TRPC6: variants seen among roughly 807,000 people sequenced by gnomAD.
TRPC6 encodes the protein short transient receptor potential channel 6.
TRPC6 carries 55 observed loss-of-function variants against 90.7 expected under a neutral mutation model. That is an observed-to-expected ratio of 0.61 (90% confidence interval 0.49 to 0.76). The LOEUF (loss-of-function observed/expected upper bound fraction) is 0.76, where lower values mean the gene tolerates loss of function less well. TRPC6 is among the 30% of genes least tolerant of loss of function. The probability of loss-of-function intolerance (pLI) is 0.00; values close to 1 mark genes in which losing one functional copy is unlikely to be tolerated. For synonymous variants in TRPC6, 393 were observed against 393.0 expected (o/e 1.00, Z 0.00); for missense variants, 989 against 1,122.7 (o/e 0.88, Z 1.70).
chr11:101,529,818 G>T (rs1860866552), intron 1 of TRPC6, among the ~76,000 whole-genome samples: 1 of 152,180 alleles, frequency 6.6e-6, no homozygotes, highest in Admixed American at 6.5e-5. Context: ...CTAGGGAGCA[G>T]ATGTTAAAAT....
At chr11:101,480,927 G>T (rs1490113213) in intron 5 of TRPC6, among the ~76,000 whole-genome samples, 1 of 152,076 alleles carries the variant, frequency 6.6e-6, no homozygotes, top group Non-Finnish European at 1.5e-5. Flanking sequence ...AAAAGAAATA[G>T]AATAAAATCA....
chr11:101,560,889 G>C (rs1437987260), intron 1 of TRPC6, among the ~76,000 whole-genome samples: 5 of 152,130 alleles, frequency 3.3e-5, no homozygotes, highest in Admixed American at 2.6e-4. Context: ...GTTAATGTTG[G>C]TGAGGGAAGG....
intron 1 of TRPC6, among the ~76,000 whole-genome samples, chr11:101,581,471 C>A (rs568515337): frequency 6.6e-6 from 1 of 152,014 alleles, no homozygotes; most frequent in Admixed American, 6.6e-5. Flanking sequence ...ACAGACACAG[C>A]GACAAGTGAT....
intron 3 of TRPC6, among the ~76,000 whole-genome samples, chr11:101,491,159 A>G (rs1168298073): frequency 6.6e-6 from 1 of 152,156 alleles, no homozygotes; most frequent in African/African-American, 2.4e-5. Flanking sequence ...TTAATTAGAA[A>G]ATCCTAACCG....
At chr11:101,458,669 C>T (rs908021749) in intron 10 of TRPC6, among the ~76,000 whole-genome samples, 3 of 152,076 alleles carry the variant, frequency 2.0e-5, no homozygotes, top group Non-Finnish European at 4.4e-5. Context: ...TAGCAACCAC[C>T]AGTCAGTGAC....
At chr11:101,468,575 G>A (rs1043371341) in intron 10 of TRPC6, among the ~76,000 whole-genome samples, 20 of 152,200 alleles carry the variant, frequency 1.3e-4, no homozygotes, top group African/African-American at 4.6e-4. Context: ...TAGCATCCCC[G>A]ACTTTTCCTT....
intron 5 of TRPC6, among the ~76,000 whole-genome samples, chr11:101,480,334 T>C (rs1055533897): frequency 6.6e-6 from 1 of 152,056 alleles, no homozygotes; most frequent in Non-Finnish European, 1.5e-5. Flanking sequence ...GTTCCAGGCG[T>C]GATATTCCTT....
At chr11:101,479,921 G>C (rs1400798372) in intron 5 of TRPC6, among the ~76,000 whole-genome samples, 1 of 152,204 alleles carries the variant, frequency 6.6e-6, no homozygotes, top group Non-Finnish European at 1.5e-5. Context: ...GCTCACGCCT[G>C]TAATCCCAGC....
intron 1 of TRPC6, among the ~76,000 whole-genome samples, chr11:101,517,439 T>C (rs1450693203): frequency 6.6e-6 from 1 of 152,256 alleles, no homozygotes; most frequent in Non-Finnish European, 1.5e-5. Context: ...ATTCCTATGC[T>C]AGTAAATTTA....
chr11:101,475,139 C>G (rs1174528443), intron 6 of TRPC6, among the ~76,000 whole-genome samples: 1 of 152,164 alleles, frequency 6.6e-6, no homozygotes, highest in East Asian at 1.9e-4. Context: ...AGGTGATGAT[C>G]TGGCCTCCAT....
chr11:101,487,070 A>G (rs1859693743), intron 4 of TRPC6, among the ~76,000 whole-genome samples: 1 of 152,190 alleles, frequency 6.6e-6, no homozygotes. Context: ...AATCAGTTTA[A>G]TTAGAATTCA....
chr11:101,481,560 C>T (rs1463972976), intron 5 of TRPC6, among the ~76,000 whole-genome samples: 1 of 152,104 alleles, frequency 6.6e-6, no homozygotes, highest in Admixed American at 6.5e-5. Flanking sequence ...TGTATTCTCC[C>T]TCTTAGAGAC....
chr11:101,575,317 T>G (rs2136895872), intron 1 of TRPC6, among the ~76,000 whole-genome samples: 1 of 152,288 alleles, frequency 6.6e-6, no homozygotes, highest in East Asian at 1.9e-4. Context: ...TTCATAGTCT[T>G]CCTTTGGTGA....
chr11:101,464,289 T>C (rs1164336790), intron 10 of TRPC6, among the ~76,000 whole-genome samples: 1 of 152,166 alleles, frequency 6.6e-6, no homozygotes, highest in Non-Finnish European at 1.5e-5. Context: ...GGTGGAGAGT[T>C]CTGTAGATGT....
intron 1 of TRPC6, among the ~76,000 whole-genome samples, chr11:101,509,778 A>G (rs527471053): frequency 6.6e-6 from 1 of 152,186 alleles, no homozygotes; most frequent in African/African-American, 2.4e-5. Flanking sequence ...CATATTAATC[A>G]TATGCAATGA....
chr11:101,535,729 T>C (rs980408344), intron 1 of TRPC6, among the ~76,000 whole-genome samples: 9 of 152,128 alleles, frequency 5.9e-5, no homozygotes, highest in African/African-American at 2.2e-4. Flanking sequence ...GAAGTTAGGA[T>C]GGAAAGAATA....
At position 101,491,412 on chromosome 11, in the gene TRPC6, C is replaced by T. The variant is rs1341975325; in HGVS notation, c.1128+144G>A. 2.4e-5 allele frequency: 25 copies of T among 1,061,296 alleles called. No individual in the cohort carries two copies. The East Asian group carries it at 2.6e-4, about 11-fold the overall frequency. 65.7% of individuals were successfully genotyped at this position (1,061,296 alleles called of 1,614,324 possible). ...TCGCACCACTGCACTCCAGACTGGG[C>T]GACAGAGCGAGACTCCATCTCAAAA... On this transcript the variant is annotated intron_variant, in intron 3 of 12. Transcript: ENST00000344327.
intron 1 of TRPC6, among the ~76,000 whole-genome samples, chr11:101,518,781 A>C (rs1860580006): frequency 6.6e-6 from 1 of 152,218 alleles, no homozygotes; most frequent in South Asian, 2.1e-4. Flanking sequence ...AAGATTTGGA[A>C]GCAACCTAAG....
At chr11:101,493,704 G>T (rs949220673) in intron 2 of TRPC6, among the ~76,000 whole-genome samples, 1 of 152,146 alleles carries the variant, frequency 6.6e-6, no homozygotes, top group Admixed American at 6.6e-5. Flanking sequence ...ACCCAGAACT[G>T]CAGATTTAAA....
Sources: allele counts gnomAD v4.1 joint callset (sites outside exome capture counted in the v4.1 genomes callset), GRCh38; gene constraint gnomAD v4.1.1; transcripts MANE v1.5; gene names NCBI Gene and HGNC (gene_info 2026-07-23, HGNC 2026-07-21).